The following INPP4B variants were observed in gnomAD, a reference collection of about 807,000 sequenced individuals.
INPP4B encodes the protein inositol polyphosphate-4-phosphatase type II B, also known as inositol polyphosphate 4-phosphatase type II.
INPP4B carries 55 observed loss-of-function variants against 122.5 expected under a neutral mutation model. That is an observed-to-expected ratio of 0.45 (90% CI 0.36 to 0.56). The LOEUF (loss-of-function observed/expected upper bound fraction) is 0.56, where lower values mean the gene tolerates loss of function less well. Among genes scored for constraint, INPP4B ranks in the 20% least tolerant of loss-of-function variants. The pLI is 0.00. For synonymous variants in INPP4B, 403 were observed against 388.7 expected, an observed-to-expected ratio of 1.04 and a Z score of -0.43; for missense variants, 1,000 against 1,097.7, an observed-to-expected ratio of 0.91 and a Z score of 1.26.
At position 142,268,459 on chromosome 4, in the gene INPP4B, CAG is replaced by C. The variant is rs375351014; in HGVS notation, c.615+2202_615+2203del. On this transcript the variant is annotated intron_variant, in intron 10 of 25. Coordinates refer to ENST00000262992, the MANE Select transcript of INPP4B (RefSeq NM_001101669.3). ...TATGGAAAACAATACGGAGGCTCCT[CAG>C]AAAACTAAAAATAGAACTACCATAA... Among the ~76,000 whole-genome samples the C allele has an allele frequency of 3.9e-4, 59 of 151,308 alleles. 2 individuals carry two copies. The highest frequency in any genetic ancestry group is 1.3e-3 in the African/African-American group (53 of 41,238).
At chr4:142,674,443 A>G (rs1757432676) in intron 2 of INPP4B, among the ~76,000 whole-genome samples, 1 of 152,124 alleles carries the variant, frequency 6.6e-6, no homozygotes, top group Admixed American at 6.6e-5. Context: ...GTTTAGAGTG[A>G]GTTTGGTAGT....
intron 23 of INPP4B, among the ~76,000 whole-genome samples, chr4:142,098,493 C>T (rs1783033046): frequency 6.6e-6 from 1 of 151,964 alleles, no homozygotes; most frequent in African/African-American, 2.4e-5. Context: ...ACAGAAGAAA[C>T]AAAGATGCTA....
At chr4:142,404,361 A>G (rs1316384258) in intron 6 of INPP4B, among the ~76,000 whole-genome samples, 1 of 152,202 alleles carries the variant, frequency 6.6e-6, no homozygotes, top group African/African-American at 2.4e-5. Context: ...TTCAAAACAT[A>G]TGCAGCTCAC....
chr4:142,346,132 C>A (rs1000136870), intron 7 of INPP4B, among the ~76,000 whole-genome samples: 1 of 152,006 alleles, frequency 6.6e-6, no homozygotes, highest in African/African-American at 2.4e-5. Context: ...CATCCTCTTA[C>A]GTGGTGCTGA....
intron 18 of INPP4B, among the ~76,000 whole-genome samples, chr4:142,132,517 T>C (rs1801831933): frequency 6.6e-6 from 1 of 152,190 alleles, no homozygotes; most frequent in Admixed American, 6.5e-5. Flanking sequence ...TTAAAACAAT[T>C]CAAATAAACA....
chr4:142,644,696 A>G (rs146125439), intron 2 of INPP4B, among the ~76,000 whole-genome samples: 1,704 of 148,474 alleles, frequency 0.011, 32 homozygotes, highest in African/African-American at 0.032. Context: ...AAGGTCAGAA[A>G]TTCAAGACCA....
Position 142,028,920 on chromosome 4 carries a change from G to T in INPP4B, c.2643-6C>A. 1 of 1,605,902 alleles carries T rather than the reference G, an allele frequency of 6.2e-7. No homozygotes were observed. The highest frequency in any genetic ancestry group is 1.7e-5 in the Admixed American group (1 of 58,230). On this transcript the variant is annotated splice_polypyrimidine_tract_variant and splice_region_variant and intron_variant, in intron 25 of 25. Transcript: ENST00000262992. ...TCTCTATGCGGCATCCTTCTCTGGT[G>T]AAAGGGGAAAAAGTACAACTTCATG...
chr4:142,260,604 C>T, intron 10 of INPP4B, 40 bp from the exon 11 acceptor site: 1 of 1,202,240 alleles, frequency 8.3e-7, no homozygotes, highest in Non-Finnish European at 1.2e-6. Flanking sequence ...ATTTTGAGAA[C>T]AATCAAAATA....
chr4:142,096,923 C>T (rs1034568115), intron 23 of INPP4B, among the ~76,000 whole-genome samples: 5 of 152,028 alleles, frequency 3.3e-5, no homozygotes, highest in African/African-American at 9.7e-5. Context: ...CTTCTCCTGC[C>T]AAAGGGTATG....
chr4:142,293,942 GA>G (rs1757495628), intron 9 of INPP4B, among the ~76,000 whole-genome samples: 1 of 152,198 alleles, frequency 6.6e-6, no homozygotes, highest in Admixed American at 6.5e-5. Context: ...CTCAGAAAAA[GA>G]AAGTTAAAAT....
At chr4:142,587,872 G>C (rs1298417717) in intron 2 of INPP4B, among the ~76,000 whole-genome samples, 3 of 151,872 alleles carry the variant, frequency 2.0e-5, no homozygotes, top group Admixed American at 2.0e-4. Context: ...ACTAGATAGA[G>C]ACACTAGAAG....
intron 12 of INPP4B, among the ~76,000 whole-genome samples, chr4:142,213,090 C>T (rs1845576466): frequency 6.6e-6 from 1 of 152,148 alleles, no homozygotes; most frequent in Non-Finnish European, 1.5e-5. Context: ...TTAGTAGAAG[C>T]AATATTATGT....
chr4:142,728,392 T>C (rs1290088391), intron 1 of INPP4B, among the ~76,000 whole-genome samples: 1 of 152,236 alleles, frequency 6.6e-6, no homozygotes, highest in Non-Finnish European at 1.5e-5. Context: ...AACATCTGCA[T>C]AACATCTGTT....
intron 8 of INPP4B, among the ~76,000 whole-genome samples, chr4:142,306,229 G>GTTTTTTTT (rs5862582): frequency 8.8e-5 from 12 of 135,904 alleles, no homozygotes; most frequent in Non-Finnish European, 1.3e-4. Context: ...ACTCCAAATT[G>GTTTTTTTT]TTTTTTTTTT....
At chr4:142,193,461 T>C (rs1660473392) in intron 14 of INPP4B, among the ~76,000 whole-genome samples, 2 of 152,158 alleles carry the variant, frequency 1.3e-5, no homozygotes, top group African/African-American at 4.8e-5. Context: ...AACAGTGTGT[T>C]CTCTCATTAT....
intron 16 of INPP4B, among the ~76,000 whole-genome samples, chr4:142,163,457 C>T (rs1414445857): frequency 6.6e-6 from 1 of 151,912 alleles, no homozygotes; most frequent in East Asian, 1.9e-4. Context: ...AACACTACAT[C>T]ATTCCCCTCA....
chr4:142,256,276 A>G (rs1209375427), intron 11 of INPP4B, among the ~76,000 whole-genome samples: 4 of 152,032 alleles, frequency 2.6e-5, no homozygotes, highest in African/African-American at 9.7e-5. Context: ...TCGACACCCT[A>G]ACATCACAAT....
chr4:142,699,803 C>T (rs537383451), intron 2 of INPP4B, among the ~76,000 whole-genome samples: 59 of 152,150 alleles, frequency 3.9e-4, no homozygotes, highest in Non-Finnish European at 5.1e-4. Context: ...CTCATCTGCA[C>T]TTGTATATCT....
In INPP4B at chr4:142,276,719, C is replaced by T. The variant is rs76167230; in HGVS notation, c.504-5945G>A. On this transcript the variant is annotated intron_variant, in intron 9 of 25. Coordinates refer to ENST00000262992, the MANE Select transcript of INPP4B (RefSeq NM_001101669.3). ...GGGCCACAAAGCTTCAAGAGCATGA[C>T]GTAGAAATGTTGATCATCAGTTTTT... is the stretch of plus-strand genomic sequence containing the variant. Among the ~76,000 whole-genome samples the T allele has an allele frequency of 2.3e-4, 35 of 151,888 alleles. No individual in the cohort carries two copies. The East Asian group carries it at 6.2e-3, about 27-fold the overall frequency.
Sources: gnomAD v4.1 joint callset for allele counts (sites outside exome capture counted in the v4.1 genomes callset) on GRCh38, gnomAD v4.1.1 for gene constraint, MANE v1.5 for transcripts, NCBI Gene and HGNC (gene_info 2026-07-23, HGNC 2026-07-21) for gene names.